CNTNAP2: variants seen among roughly 807,000 people sequenced by gnomAD.
CNTNAP2 encodes contactin associated protein 2, also known as contactin-associated protein-like 2.
A neutral mutation model predicts 155.2 loss-of-function variants in CNTNAP2; 98 were observed. The observed-to-expected ratio is 0.63, with a 90% CI of 0.54 to 0.75. CNTNAP2 has a LOEUF of 0.75. CNTNAP2 is among the 30% of genes least tolerant of loss of function. The pLI is 0.00. For missense variants in CNTNAP2, 1,727 were observed against 1,688.1 expected (o/e 1.02, Z -0.40); for synonymous variants, 651 against 631.2 (o/e 1.03, Z -0.47).
At chr7:148,244,873 T>C (rs941068215) in intron 20 of CNTNAP2, among the ~76,000 whole-genome samples, 1 of 152,112 alleles carries the variant, frequency 6.6e-6, no homozygotes, top group Non-Finnish European at 1.5e-5. Flanking sequence ...GTTGCCTTTT[T>C]TTTTAATCTA....
At position 147,486,026 on chromosome 7, in the gene CNTNAP2, G is replaced by A. The variant is rs757030387; in HGVS notation, c.1762G>A (p.Ala588Thr). ...CTCDETGYSG[A>T]TCHNSIYEPS... Reference sequence around the variant, plus strand: ...TTGTGATGAGACAGGATACAGTGGGGCCACCTGCCACAACTGTGAGTGCCA... The same window carrying A: ...TTGTGATGAGACAGGATACAGTGGGACCACCTGCCACAACTGTGAGTGCCA... The change falls in exon 11 of 24, where the codon GCC (alanine) becomes ACC (threonine). Residue 588 changes from alanine (A) to threonine (T), a missense_variant. Ala to Thr is a moderately conservative substitution (Grantham distance 58). Coordinates refer to ENST00000361727, the MANE Select transcript of CNTNAP2 (RefSeq NM_014141.6). 1 of 1,612,772 alleles carries A rather than the reference G, an allele frequency of 6.2e-7. No individual in the cohort carries two copies. The highest frequency in any genetic ancestry group is 1.1e-5 in the South Asian group (1 of 91,068).
intron 13 of CNTNAP2, among the ~76,000 whole-genome samples, chr7:147,820,505 A>C (rs977351054): frequency 6.6e-6 from 1 of 152,038 alleles, no homozygotes; most frequent in African/African-American, 2.4e-5. Context: ...AAAGAGGAGA[A>C]GTCTTTAATT....
chr7:146,603,805 A>G (rs920473279), intron 1 of CNTNAP2, among the ~76,000 whole-genome samples: 6 of 150,068 alleles, frequency 4.0e-5, no homozygotes, highest in Non-Finnish European at 8.9e-5. Context: ...CAAACCTGAG[A>G]AAAACAAGCA....
intron 3 of CNTNAP2, among the ~76,000 whole-genome samples, chr7:146,960,744 A>G (rs1187292810): frequency 6.6e-6 from 1 of 152,204 alleles, no homozygotes; most frequent in Non-Finnish European, 1.5e-5. Flanking sequence ...ATTTCAGCCA[A>G]TCTAAGGCTA....
In CNTNAP2 at chr7:148,407,507, C is replaced by T. The variant is rs1049704501; in HGVS notation, c.3716-1884C>T. On this transcript the variant is annotated intron_variant, in intron 22 of 23. Coordinates refer to ENST00000361727, the MANE Select transcript of CNTNAP2 (RefSeq NM_014141.6). ...TCGTTTGAGCCCAGGAATTCAAGAC[C>T]AGCTTGGGCAACATAGGGAAACCCC... Among the ~76,000 whole-genome samples, 5 of 151,966 alleles carry T rather than the reference C, an allele frequency of 3.3e-5. No homozygotes were observed. The East Asian group carries it at 9.6e-4, about 29-fold the overall frequency.
chr7:146,952,645 AAG>A (rs1797343655), intron 3 of CNTNAP2, among the ~76,000 whole-genome samples: 1 of 152,050 alleles, frequency 6.6e-6, no homozygotes, highest in African/African-American at 2.4e-5. Context: ...TAGACAAACA[AAG>A]AGCCAAATCA....
At chr7:148,137,822 T>C (rs1321846770) in intron 16 of CNTNAP2, among the ~76,000 whole-genome samples, 1 of 152,242 alleles carries the variant, frequency 6.6e-6, no homozygotes. Context: ...TCTCCACTAT[T>C]TGTCCAATAC....
At chr7:146,939,579 C>T (rs996656969) in intron 3 of CNTNAP2, among the ~76,000 whole-genome samples, 5 of 152,256 alleles carry the variant, frequency 3.3e-5, no homozygotes, top group African/African-American at 9.6e-5. Flanking sequence ...CAGGATTTTA[C>T]GGTTCCCATG....
intron 1 of CNTNAP2, among the ~76,000 whole-genome samples, chr7:146,549,253 CTGTTA>C (rs1455790146): frequency 6.6e-6 from 1 of 151,932 alleles, no homozygotes; most frequent in African/African-American, 2.4e-5. Flanking sequence ...AGATTAAGTT[CTGTTA>C]TGTCTTTACT....
intron 5 of CNTNAP2, among the ~76,000 whole-genome samples, chr7:147,120,733 T>C (rs144967617): frequency 1.4e-3 from 206 of 151,260 alleles, no homozygotes; most frequent in African/African-American, 4.7e-3. Context: ...CTGCACCCAC[T>C]AACTCGTCAT....
intron 1 of CNTNAP2, among the ~76,000 whole-genome samples, chr7:146,350,403 A>G (rs1198963248): frequency 6.6e-6 from 1 of 152,144 alleles, no homozygotes; most frequent in Non-Finnish European, 1.5e-5. Context: ...GAAGACATTT[A>G]TGCAGCCAAA....
chr7:147,916,746 G>A (rs1299615739), intron 14 of CNTNAP2, among the ~76,000 whole-genome samples: 1 of 151,560 alleles, frequency 6.6e-6, no homozygotes, highest in African/African-American at 2.4e-5. Context: ...TAAAAGAGAT[G>A]TCATGGGATC....
At chr7:147,076,585 A>T (rs189270105) in intron 4 of CNTNAP2, among the ~76,000 whole-genome samples, 28 of 152,340 alleles carry the variant, frequency 1.8e-4, no homozygotes, top group African/African-American at 6.5e-4. Context: ...AAGTGAAATC[A>T]GTTATGACTT....
At chr7:147,132,651 G>C in intron 8 of CNTNAP2, 142 bp downstream of exon 8, 1 of 1,159,198 alleles carries the variant, frequency 8.6e-7, no homozygotes, top group Non-Finnish European at 1.2e-6. Flanking sequence ...CTTGGTTGTA[G>C]TGTGTGCTGA....
chr7:146,405,702 A>G (rs1465640988), intron 1 of CNTNAP2, among the ~76,000 whole-genome samples: 1 of 152,222 alleles, frequency 6.6e-6, no homozygotes, highest in African/African-American at 2.4e-5. Context: ...GTTTGAAGCA[A>G]ATATTCAGAA....
intron 3 of CNTNAP2, among the ~76,000 whole-genome samples, chr7:146,937,413 C>T (rs1458794347): frequency 6.6e-6 from 1 of 151,280 alleles, no homozygotes; most frequent in Non-Finnish European, 1.5e-5. Flanking sequence ...ACTGTTAATA[C>T]TTGTACACTT....
intron 13 of CNTNAP2, among the ~76,000 whole-genome samples, chr7:147,644,608 C>A (rs1306160727): frequency 6.6e-6 from 1 of 152,056 alleles, no homozygotes; most frequent in African/African-American, 2.4e-5. Flanking sequence ...GGCGATAGAG[C>A]GAGACTCTGT....
intron 13 of CNTNAP2, among the ~76,000 whole-genome samples, chr7:147,678,782 A>G (rs1795906010): frequency 6.6e-6 from 1 of 151,942 alleles, no homozygotes. Context: ...AAGAGCAATT[A>G]AAAACACATA....
At chr7:146,222,856 T>G (rs930142606) in intron 1 of CNTNAP2, among the ~76,000 whole-genome samples, 6 of 151,858 alleles carry the variant, frequency 4.0e-5, no homozygotes, top group African/African-American at 1.2e-4. Flanking sequence ...AGACGGGGTT[T>G]TACCATGTTA....
Sources: gnomAD v4.1 joint callset for allele counts (sites outside exome capture counted in the v4.1 genomes callset) on GRCh38, gnomAD v4.1.1 for gene constraint, MANE v1.5 for transcripts, NCBI Gene and HGNC (gene_info 2026-07-23, HGNC 2026-07-21) for gene names.